GOPC: variants seen among roughly 807,000 people sequenced by gnomAD.
GOPC encodes Golgi-associated PDZ and coiled-coil motif-containing protein.
GOPC carries 32 observed loss-of-function variants against 51.2 expected under a neutral mutation model. The observed-to-expected ratio is 0.63, with a 90% CI of 0.47 to 0.84. The LOEUF is 0.84. Ranked by LOEUF, GOPC falls within the 40% of genes least tolerant of loss-of-function variation. The pLI is 0.00. For missense variants in GOPC, 441 were observed against 555.5 expected (o/e 0.79, Z 2.07); for synonymous variants, 190 against 205.1 (o/e 0.93, Z 0.63).
chr6:117,574,277 A>G (rs1284256916), intron 4 of GOPC, among the ~76,000 whole-genome samples: 1 of 152,006 alleles, frequency 6.6e-6, no homozygotes, highest in Non-Finnish European at 1.5e-5. Flanking sequence ...AAAAAAAGTT[A>G]CTAGAAAATT....
At chr6:117,580,368 T>A (rs1371288411) in intron 1 of GOPC, among the ~76,000 whole-genome samples, 1 of 152,120 alleles carries the variant, frequency 6.6e-6, no homozygotes, top group Non-Finnish European at 1.5e-5. Context: ...TATCCATGGC[T>A]TTGACTATTC....
At chr6:117,571,595 C>T (rs1280203736) in intron 5 of GOPC, among the ~76,000 whole-genome samples, 1 of 152,036 alleles carries the variant, frequency 6.6e-6, no homozygotes, top group African/African-American at 2.4e-5. Context: ...TAGCAACTAC[C>T]ATCCTCCCCC....
At chr6:117,596,272 T>C (rs1780196268) in intron 1 of GOPC, among the ~76,000 whole-genome samples, 1 of 152,186 alleles carries the variant, frequency 6.6e-6, no homozygotes, top group South Asian at 2.1e-4. Context: ...TTGTTTTGAG[T>C]TCCTTGTAGA....
intron 1 of GOPC, among the ~76,000 whole-genome samples, chr6:117,595,818 C>A (rs1172558427): frequency 6.6e-6 from 1 of 152,048 alleles, no homozygotes; most frequent in Non-Finnish European, 1.5e-5. Context: ...GGTATTTGGG[C>A]TGGTTCCATA....
chr6:117,569,865 G>A, intron 6 of GOPC, 129 bp from the exon 7 acceptor site: 2 of 1,045,340 alleles, frequency 1.9e-6, no homozygotes, highest in Non-Finnish European at 1.3e-6. Flanking sequence ...TAAATGCTGG[G>A]TAAAATTTTA....
chr6:117,570,993 T>TGGGAGGAAAAAAGAAGAAAAAGGAA, intron 5 of GOPC, 38 bp from the exon 6 acceptor site: 1 of 1,000,224 alleles, frequency 1.0e-6, no homozygotes, highest in Non-Finnish European at 1.5e-6. Context: ...GTAGTATCAT[T>TGGGAGGAAAAAAGAAGAAAAAGGAA]TAAATAGCAT....
chr6:117,566,606 T>C (rs1222377451), intron 8 of GOPC, among the ~76,000 whole-genome samples: 1 of 152,182 alleles, frequency 6.6e-6, no homozygotes, highest in Non-Finnish European at 1.5e-5. Flanking sequence ...TTATTTATTT[T>C]TCAAGGATCA....
At chr6:117,578,195 TTATTA>T (rs1380833910) in intron 2 of GOPC, among the ~76,000 whole-genome samples, 1 of 152,126 alleles carries the variant, frequency 6.6e-6, no homozygotes, top group Admixed American at 6.5e-5. Flanking sequence ...TACTTCTTCC[TTATTA>T]ACAGACTCCA....
chr6:117,577,069 T>C (rs999357439), intron 3 of GOPC, among the ~76,000 whole-genome samples: 1 of 152,084 alleles, frequency 6.6e-6, no homozygotes, highest in Non-Finnish European at 1.5e-5. Flanking sequence ...CATTCTTTTC[T>C]GGAAATAATT....
In GOPC at chr6:117,563,393, A is replaced by G; in HGVS notation, c.1259-9T>C. The G allele has an allele frequency of 6.2e-7, 1 of 1,612,140 alleles. No homozygotes were observed. Among genetic ancestry groups the G allele is most frequent in the South Asian group, 1.1e-5 (1 of 90,930 alleles). The stretch of plus-strand genomic sequence containing the variant: ...TGCCTTCTTATTAAATCCTGAAAGA[A>G]AGGAGAAAAAAAAAGCAGACACTTT... On this transcript the variant is annotated splice_polypyrimidine_tract_variant and intron_variant, in intron 8 of 8. Coordinates refer to ENST00000368498, the MANE Select transcript of GOPC (RefSeq NM_020399.4).
At chr6:117,575,873 G>T (rs1779875129) in intron 3 of GOPC, among the ~76,000 whole-genome samples, 1 of 152,094 alleles carries the variant, frequency 6.6e-6, no homozygotes, top group Non-Finnish European at 1.5e-5. Context: ...CTTTTGTGAG[G>T]ACGTAAATAA....
chr6:117,597,380 T>C (rs930858825), intron 1 of GOPC, among the ~76,000 whole-genome samples: 1 of 152,210 alleles, frequency 6.6e-6, no homozygotes, highest in Non-Finnish European at 1.5e-5. Context: ...CCTTTATTTC[T>C]TTCTCTTGTC....
At position 117,569,602 on chromosome 6, in the gene GOPC, A is replaced by G; in HGVS notation, c.1047T>C (p.His349=). 3 of 1,613,240 alleles carry G rather than the reference A, an allele frequency of 1.9e-6. No homozygotes were observed. The highest frequency in any genetic ancestry group is 2.5e-6 in the Non-Finnish European group (3 of 1,179,678). ...GAGAAAGAATAGTTACAGCTTCTTTATGCTTTGTGTCCCTTAGGTTAACTC... is the reference window on the plus strand; with the variant it reads ...GAGAAAGAATAGTTACAGCTTCTTTGTGCTTTGTGTCCCTTAGGTTAACTC... ...VNGVNLRDTK[H]KEAVTILSQQ... is the part of the protein sequence containing the mutation. Residue 349 remains histidine, a synonymous_variant, in exon 7 of 9, where the codon CAT becomes CAC. Coordinates refer to ENST00000368498, the MANE Select transcript of GOPC (RefSeq NM_020399.4).
intron 8 of GOPC, among the ~76,000 whole-genome samples, chr6:117,565,413 G>A (rs558550559): frequency 1.7e-3 from 262 of 152,254 alleles, no homozygotes; most frequent in African/African-American, 5.8e-3. Flanking sequence ...TGTGGAATTT[G>A]AAACCTTATC....
chr6:117,564,881 C>T (rs1779662916), intron 8 of GOPC, among the ~76,000 whole-genome samples: 1 of 152,162 alleles, frequency 6.6e-6, no homozygotes, highest in African/African-American at 2.4e-5. Context: ...TATCTTTGTG[C>T]AGACAGTTTA....
chr6:117,574,365 G>A (rs1779848720), intron 4 of GOPC, among the ~76,000 whole-genome samples: 1 of 151,964 alleles, frequency 6.6e-6, no homozygotes, highest in South Asian at 2.1e-4. Context: ...TGCACAAAAT[G>A]ATTTAGTACT....
At chr6:117,563,931 GT>G (rs1353464051) in intron 8 of GOPC, among the ~76,000 whole-genome samples, 1 of 149,982 alleles carries the variant, frequency 6.7e-6, no homozygotes, top group African/African-American at 2.4e-5. Flanking sequence ...TTGGGCTTAT[GT>G]AAAAATTGTA....
chr6:117,579,726 G>A (rs1583057377), intron 1 of GOPC, among the ~76,000 whole-genome samples: 1 of 152,126 alleles, frequency 6.6e-6, no homozygotes, highest in Admixed American at 6.5e-5. Flanking sequence ...TGTCCCTTGT[G>A]TTTTTGGTTT....
rs936660574 is a variant in GOPC at position 117,577,486 on chromosome 6, A to C, written c.451-15T>G. On this transcript the variant is annotated splice_polypyrimidine_tract_variant and intron_variant, in intron 2 of 8. Transcript: ENST00000368498. ...GAGGGGCCAGACTTCAGATATAAGA[A>C]AAAAGTTTTATAATTAGAAAAAGAT... The C allele has an allele frequency of 7.6e-6, 12 of 1,588,086 alleles. No homozygotes were observed. The Middle Eastern group carries it at 5.0e-4, about 66-fold the overall frequency.
Sources: allele counts gnomAD v4.1 joint callset (sites outside exome capture counted in the v4.1 genomes callset), GRCh38; gene constraint gnomAD v4.1.1; transcripts MANE v1.5; gene names NCBI Gene and HGNC (gene_info 2026-07-23, HGNC 2026-07-21).